Variants in CALD1 observed in about 807,000 individuals in gnomAD.
CALD1 encodes caldesmon 1, also known as caldesmon.
CALD1 carries 33 observed loss-of-function variants against 99.9 expected under a neutral mutation model. That is an observed-to-expected ratio of 0.33 (90% CI 0.25 to 0.44). CALD1 has a LOEUF of 0.44. Among genes scored for constraint, CALD1 ranks in the 20% least tolerant of loss-of-function variants. The pLI is 1.00. For synonymous variants in CALD1, 310 were observed against 325.0 expected (o/e 0.95, Z 0.50); for missense variants, 861 against 962.1 (o/e 0.89, Z 1.39).
chr7:134,964,639 G>A (rs1025627692), intron 13 of CALD1, among the ~76,000 whole-genome samples: 1 of 152,156 alleles, frequency 6.6e-6, no homozygotes, highest in Non-Finnish European at 1.5e-5. Context: ...AGGCTGGTGT[G>A]CACTAAAGTA....
chr7:134,754,708 T>C (rs559202725), intron 1 of CALD1, among the ~76,000 whole-genome samples: 1 of 148,930 alleles, frequency 6.7e-6, no homozygotes, highest in South Asian at 2.2e-4. Context: ...AATGGAGATC[T>C]TTCATTTCAC....
chr7:134,924,425 A>G (rs1399401718), intron 3 of CALD1, among the ~76,000 whole-genome samples: 1 of 152,182 alleles, frequency 6.6e-6, no homozygotes, highest in East Asian at 1.9e-4. Flanking sequence ...TAGGATGGGA[A>G]GCTCACCATG....
chr7:134,772,370 T>C (rs1156713410), intron 1 of CALD1, among the ~76,000 whole-genome samples: 1 of 152,192 alleles, frequency 6.6e-6, no homozygotes, highest in Non-Finnish European at 1.5e-5. Context: ...ACTGGGATTA[T>C]AGGAGCAAGC....
intron 3 of CALD1, among the ~76,000 whole-genome samples, chr7:134,876,489 T>C (rs980204768): frequency 8.5e-5 from 13 of 152,204 alleles, no homozygotes; most frequent in Non-Finnish European, 4.4e-5. Flanking sequence ...TTATGGATAA[T>C]GTTTCTAAAT....
chr7:134,941,332 C>T (rs897531328), intron 7 of CALD1, 95 bp downstream of exon 7: 13 of 999,906 alleles, frequency 1.3e-5, no homozygotes, highest in Admixed American at 5.2e-5. Flanking sequence ...CAGACAGAAA[C>T]GTGCTAAGCA....
intron 3 of CALD1, among the ~76,000 whole-genome samples, chr7:134,904,548 C>T (rs1369572211): frequency 7.2e-5 from 11 of 151,826 alleles, no homozygotes; most frequent in Admixed American, 6.6e-5. Flanking sequence ...CTGGGTGACA[C>T]AGTGAGATGG....
chr7:134,734,083 C>G, the CALD1 span, among the ~76,000 whole-genome samples: 1 of 152,024 alleles, frequency 6.6e-6, no homozygotes, highest in Non-Finnish European at 1.5e-5. Context: ...AGAGGTGAAG[C>G]TGGTCATCAC....
rs1801194980 is a variant in CALD1, at chr7:134,873,341, A to G, written c.71+5537A>G. On this transcript the variant is annotated intron_variant, in intron 3 of 14. Coordinates refer to ENST00000361675, the MANE Select transcript of CALD1 (RefSeq NM_033138.4). ...TGTGCCTCTTCCCCGGTCCACGTGC[A>G]TCTTCATCAACACTTGATTTGTTTG... Among the ~76,000 whole-genome samples, 3 of 151,992 alleles carry G rather than the reference A, an allele frequency of 2.0e-5. No homozygotes were observed. In the South Asian group the frequency reaches 6.2e-4, roughly 31 times the overall value.
At chr7:134,844,776 C>T (rs1023907958) in intron 2 of CALD1, among the ~76,000 whole-genome samples, 1 of 148,102 alleles carries the variant, frequency 6.8e-6, no homozygotes, top group East Asian at 1.9e-4. Flanking sequence ...CCACCTTCTC[C>T]CTGTGTCTTC....
chr7:134,846,518 C>T (rs1312315797), intron 2 of CALD1, among the ~76,000 whole-genome samples: 2 of 152,192 alleles, frequency 1.3e-5, no homozygotes, highest in Non-Finnish European at 2.9e-5. Flanking sequence ...ATTTGCCCTG[C>T]TAGCATGATG....
intron 1 of CALD1, among the ~76,000 whole-genome samples, chr7:134,836,081 G>A (rs1304082523): frequency 6.7e-6 from 1 of 149,956 alleles, no homozygotes; most frequent in African/African-American, 2.5e-5. Flanking sequence ...GGAGGCAGAG[G>A]TTGCAGTGAG....
intron 5 of CALD1, 69 bp downstream of exon 5, chr7:134,934,146 T>C (rs930192703): frequency 7.8e-6 from 12 of 1,547,180 alleles, no homozygotes; most frequent in Non-Finnish European, 8.7e-6. Flanking sequence ...CACATCTGAT[T>C]TGGGACTGAG....
chr7:134,770,043 T>C (rs958394501), intron 1 of CALD1, among the ~76,000 whole-genome samples: 5 of 152,224 alleles, frequency 3.3e-5, no homozygotes, highest in Non-Finnish European at 7.3e-5. Context: ...TTTTTATTTC[T>C]TGATGTAACC....
At chr7:134,807,023 T>C (rs1010593732) in intron 1 of CALD1, among the ~76,000 whole-genome samples, 1 of 152,164 alleles carries the variant, frequency 6.6e-6, no homozygotes, top group African/African-American at 2.4e-5. Context: ...TAGTGGAGAT[T>C]TAGCTTTGAA....
the CALD1 span, among the ~76,000 whole-genome samples, chr7:134,711,658 C>CTATATATA: frequency 7.5e-5 from 5 of 66,950 alleles, no homozygotes; most frequent in African/African-American, 3.4e-4. Flanking sequence ...CTCTCTCTCT[C>CTATATATA]TCTATATATA....
At chr7:134,711,654 CTCTCTCTA>C in the CALD1 span, among the ~76,000 whole-genome samples, 1 of 68,108 alleles carries the variant, frequency 1.5e-5, no homozygotes, top group Non-Finnish European at 2.8e-5. Flanking sequence ...CTCTCTCTCT[CTCTCTCTA>C]TATATATATA....
chr7:134,969,645 T>C lies in CALD1; in HGVS notation c.*1300T>C, dbSNP rs1808914143. On this transcript the variant is annotated 3_prime_UTR_variant, in exon 15 of 15. Transcript: ENST00000361675. ...CTTCAAACTTTTCTACTTTTATTTG[T>C]CATTGATACCTGTAGTAAGTTGACA... 1 of 152,210 alleles carries C rather than the reference T, an allele frequency of 6.6e-6. No homozygotes were observed. The highest frequency in any genetic ancestry group is 2.4e-5 in the African/African-American group (1 of 41,454). 9.4% of individuals were successfully genotyped at this position (152,210 alleles called of 1,614,324 possible). A position where few individuals can be genotyped will look rare whatever the true frequency, so the allele number is the denominator to read the frequency against.
At chr7:134,834,231 G>C (rs891660755) in intron 1 of CALD1, among the ~76,000 whole-genome samples, 2 of 152,174 alleles carry the variant, frequency 1.3e-5, no homozygotes, top group African/African-American at 4.8e-5. Flanking sequence ...TTTATCGCTT[G>C]TTACACTTTC....
At chr7:134,864,399 C>A (rs35558985) in intron 2 of CALD1, among the ~76,000 whole-genome samples, 66,547 of 140,980 alleles carry the variant, frequency 0.47, 16,027 homozygotes, top group East Asian at 0.77. Flanking sequence ...AATCTTTTTT[C>A]TTTCCTTTTT....
Sources: allele counts gnomAD v4.1 joint callset (sites outside exome capture counted in the v4.1 genomes callset), GRCh38; gene constraint gnomAD v4.1.1; transcripts MANE v1.5; gene names NCBI Gene and HGNC (gene_info 2026-07-23, HGNC 2026-07-21).